NEBL: variants seen among roughly 807,000 people sequenced by gnomAD.
The protein encoded by NEBL is LIM and SH3 protein 2.
A neutral mutation model predicts 140.2 loss-of-function variants in NEBL; 122 were observed. That is an observed-to-expected ratio of 0.87 (90% confidence interval 0.75 to 1.01). NEBL has a LOEUF of 1.01. Ranked by LOEUF, NEBL falls within the 50% of genes least tolerant of loss-of-function variation. NEBL has a pLI of 0.00. For synonymous variants in NEBL, 436 were observed against 398.9 expected (o/e 1.09, Z -1.11); for missense variants, 1,365 against 1,231.3 (o/e 1.11, Z -1.62).
chr10:20,951,919 C>T (rs1835490230), intron 4 of NEBL, among the ~76,000 whole-genome samples: 1 of 152,168 alleles, frequency 6.6e-6, no homozygotes, highest in Admixed American at 6.5e-5. Flanking sequence ...TAGACTTTCC[C>T]TGTGTCCTGG....
At chr10:21,233,625 T>G (rs1156289209) in intron 3 of NEBL, among the ~76,000 whole-genome samples, 1 of 145,250 alleles carries the variant, frequency 6.9e-6, no homozygotes, top group Non-Finnish European at 1.5e-5. Context: ...TAGATATATA[T>G]CTATATAGAG....
Position 20,813,920 on chromosome 10 carries a change from T to G in NEBL, c.2346+19A>C. On this transcript the variant is annotated intron_variant, in intron 23 of 27. Coordinates refer to ENST00000377122, the MANE Select transcript of NEBL (RefSeq NM_006393.3). ...CCCATTCCTTAGCATGTTTTAAGAA[T>G]GATCTGGTTGGACCCTACCATTGAA... 3.4e-6 allele frequency: 5 copies of G among 1,463,096 alleles called. No individual in the cohort carries two copies. Among genetic ancestry groups the G allele is most frequent in the Non-Finnish European group, 4.8e-6 (5 of 1,042,640 alleles). The allele number at this position is 1,463,096 out of a possible 1,614,324, so 90.6% of individuals were successfully genotyped here.
chr10:21,258,916 G>A (rs1163335825), intron 1 of NEBL, among the ~76,000 whole-genome samples: 1 of 151,956 alleles, frequency 6.6e-6, no homozygotes, highest in Non-Finnish European at 1.5e-5. Context: ...CAATGTTCTA[G>A]GTACTTTATG....
chr10:21,096,913 A>G (rs368778134), intron 2 of NEBL, among the ~76,000 whole-genome samples: 285 of 151,968 alleles, frequency 1.9e-3, no homozygotes, highest in South Asian at 5.8e-3. Context: ...CAGCTATTTC[A>G]TCTGAGCTCC....
chr10:21,265,349 G>A (rs1035398989), intron 1 of NEBL, among the ~76,000 whole-genome samples: 2 of 152,156 alleles, frequency 1.3e-5, no homozygotes, highest in Non-Finnish European at 2.9e-5. Flanking sequence ...GGCAGTGGGA[G>A]GGGGACACCA....
chr10:20,853,371 G>C (rs1842731457), intron 9 of NEBL, among the ~76,000 whole-genome samples: 1 of 152,106 alleles, frequency 6.6e-6, no homozygotes, highest in South Asian at 2.1e-4. Flanking sequence ...AAATGTAACA[G>C]GCAGCAATAT....
intron 3 of NEBL, among the ~76,000 whole-genome samples, chr10:21,228,522 C>A (rs189971448): frequency 6.6e-6 from 1 of 152,210 alleles, no homozygotes; most frequent in East Asian, 1.9e-4. Context: ...TGCTCCCTGG[C>A]AGATCTATCA....
chr10:21,005,870 T>C (rs1838117422), intron 3 of NEBL, among the ~76,000 whole-genome samples: 1 of 152,076 alleles, frequency 6.6e-6, no homozygotes, highest in African/African-American at 2.4e-5. Context: ...ATCTTTTTTT[T>C]CCTTTATTTG....
intron 4 of NEBL, among the ~76,000 whole-genome samples, chr10:20,938,830 G>C (rs1234231786): frequency 1.3e-5 from 2 of 152,168 alleles, no homozygotes; most frequent in Non-Finnish European, 2.9e-5. Flanking sequence ...CTGGAAGAAA[G>C]GATATCAGTG....
chr10:20,830,552 C>A (rs188717658), intron 16 of NEBL, among the ~76,000 whole-genome samples: 2 of 152,060 alleles, frequency 1.3e-5, no homozygotes, highest in Non-Finnish European at 2.9e-5. Flanking sequence ...CCTCACTGTT[C>A]CCTTAATTTT....
At chr10:21,037,898 G>A (rs575134072) in intron 2 of NEBL, among the ~76,000 whole-genome samples, 5 of 152,076 alleles carry the variant, frequency 3.3e-5, no homozygotes, top group African/African-American at 1.2e-4. Context: ...AACAAGAAAG[G>A]GAGTAAGAAC....
At chr10:20,841,726 T>C (rs1841426539) in intron 12 of NEBL, among the ~76,000 whole-genome samples, 1 of 152,104 alleles carries the variant, frequency 6.6e-6, no homozygotes, top group South Asian at 2.1e-4. Context: ...ACTCATGGAA[T>C]AGAAAATCCA....
chr10:20,848,300 T>G (rs11012359), intron 11 of NEBL, among the ~76,000 whole-genome samples: 1 of 152,238 alleles, frequency 6.6e-6, no homozygotes, highest in East Asian at 1.9e-4. Context: ...CTAGGGAAAT[T>G]TATTCCATTA....
intron 2 of NEBL, among the ~76,000 whole-genome samples, chr10:21,148,773 G>A (rs1163694458): frequency 3.3e-5 from 5 of 152,014 alleles, no homozygotes; most frequent in African/African-American, 4.8e-5. Flanking sequence ...TGATGCACCC[G>A]CCTCAGCCTC....
intron 2 of NEBL, among the ~76,000 whole-genome samples, chr10:21,083,856 G>A (rs1836497612): frequency 6.6e-6 from 1 of 152,076 alleles, no homozygotes. Flanking sequence ...GGCAAGTTGG[G>A]AAGGAAGAAG....
rs556641003 is a variant in NEBL at position 20,802,693 on chromosome 10, T to C, written c.2761+5817A>G. Among the ~76,000 whole-genome samples the C allele has an allele frequency of 3.9e-5, 6 of 152,286 alleles. No homozygotes were observed. The East Asian group carries it at 1.2e-3, about 30-fold the overall frequency. On this transcript the variant is annotated intron_variant, in intron 26 of 27. Coordinates refer to ENST00000377122, the MANE Select transcript of NEBL (RefSeq NM_006393.3). ...GTGAACGATGAAAACCTTGTACTTT[T>C]GCCTTAACGAAATGAGTTGATTGTT...
At chr10:21,238,816 C>T (rs112840817) in intron 3 of NEBL, among the ~76,000 whole-genome samples, 1,830 of 151,372 alleles carry the variant, frequency 0.012, 23 homozygotes, top group South Asian at 0.058. Context: ...CCCCAAAAGC[C>T]TGTATAACTC....
chr10:21,057,015 A>T, intron 2 of NEBL, among the ~76,000 whole-genome samples: 1 of 152,028 alleles, frequency 6.6e-6, no homozygotes, highest in East Asian at 1.9e-4. Flanking sequence ...ATAAAGTATT[A>T]TTTAAAAAAA....
At chr10:21,185,487 CTTTTTTTTTTT>C (rs10612676) in intron 3 of NEBL, among the ~76,000 whole-genome samples, 12 of 72,050 alleles carry the variant, frequency 1.7e-4, no homozygotes, top group Non-Finnish European at 1.9e-4. Context: ...ATTTTCTTTC[CTTTTTTTTTTT>C]TTTTTTTTTT....
Sources: gnomAD v4.1 joint callset for allele counts (sites outside exome capture counted in the v4.1 genomes callset) on GRCh38, gnomAD v4.1.1 for gene constraint, MANE v1.5 for transcripts, NCBI Gene and HGNC (gene_info 2026-07-23, HGNC 2026-07-21) for gene names.